Variants in C17orf114 observed in about 807,000 individuals in gnomAD.
The protein encoded by C17orf114 is uncharacterized protein C17orf114.
At chr17:4,804,236 G>A (rs1308944567), upstream of C17orf114, among the ~76,000 whole-genome samples, 18 of 145,994 alleles carry the variant, frequency 1.2e-4, no homozygotes, top group Non-Finnish European at 1.9e-4. Context: ...ATGGAGTCTC[G>A]CTCTGTTGCC....
At chr17:4,801,610 G>A (rs1289508548) in intron 1 of C17orf114, among the ~76,000 whole-genome samples, 155 bp from the exon 2 acceptor site, 4 of 152,182 alleles carry the variant, frequency 2.6e-5, no homozygotes, top group Non-Finnish European at 5.9e-5. Context: ...AGGGAGAGGG[G>A]CTGTTGCAGA....
chr17:4,803,569 C>T (rs1361605376), upstream of C17orf114, among the ~76,000 whole-genome samples: 4 of 150,918 alleles, frequency 2.7e-5, no homozygotes, highest in African/African-American at 7.3e-5. Context: ...GGACTATAGG[C>T]GCCCACCACC....
At chr17:4,801,877 C>T (rs1476886401) in intron 1 of C17orf114, among the ~76,000 whole-genome samples, 2 of 152,076 alleles carry the variant, frequency 1.3e-5, no homozygotes, top group East Asian at 1.9e-4. Context: ...ACTACAGGCG[C>T]CCGCCACCAC....
upstream of C17orf114, among the ~76,000 whole-genome samples, chr17:4,805,077 C>T (rs991174923): frequency 6.6e-6 from 1 of 152,168 alleles, no homozygotes; most frequent in African/African-American, 2.4e-5. Flanking sequence ...CTTTTCCCTA[C>T]ACCCTGCCAC....
At chr17:4,804,630 C>T (rs955652037), upstream of C17orf114, among the ~76,000 whole-genome samples, 2 of 147,960 alleles carry the variant, frequency 1.4e-5, no homozygotes, top group Non-Finnish European at 3.0e-5. Flanking sequence ...GAGACAGTCT[C>T]ACTCTGTCAC....
At chr17:4,801,238 G>A in exon 2 of C17orf114, 1 of 398,628 alleles carries the variant, frequency 2.5e-6, no homozygotes, top group African/African-American at 2.1e-5. Flanking sequence ...AGAAATCTGG[G>A]GAAGGAAGCT....
At chr17:4,806,266 G>A (rs1334318050), upstream of C17orf114, among the ~76,000 whole-genome samples, 12 of 152,064 alleles carry the variant, frequency 7.9e-5, no homozygotes, top group Admixed American at 7.9e-4. Context: ...GAAAAAAATC[G>A]TTTGGCAGTT....
At chr17:4,801,945 G>A (rs1203575683) in intron 1 of C17orf114, among the ~76,000 whole-genome samples, 1 of 151,890 alleles carries the variant, frequency 6.6e-6, no homozygotes, top group Non-Finnish European at 1.5e-5. Flanking sequence ...TAGCCAGGAT[G>A]GTCTCCATCC....
upstream of C17orf114, among the ~76,000 whole-genome samples, chr17:4,802,801 T>A (rs1905544541): frequency 6.6e-6 from 1 of 152,200 alleles, no homozygotes; most frequent in Non-Finnish European, 1.5e-5. Context: ...TAGATTCTCA[T>A]TAAATGGTCT....
chr17:4,806,801 G>A (rs1050866801), upstream of C17orf114: 7 of 150,764 alleles, frequency 4.6e-5, no homozygotes, highest in African/African-American at 1.7e-4. Context: ...CAGCGCCCGC[G>A]GCTGGAGGGG....
upstream of C17orf114, among the ~76,000 whole-genome samples, chr17:4,803,407 T>G (rs1036069898): frequency 1.5e-5 from 2 of 136,718 alleles, no homozygotes; most frequent in Admixed American, 9.2e-5. Flanking sequence ...AAATCTATTG[T>G]TTTTTTTAAT....
At chr17:4,801,170 G>T in exon 2 of C17orf114, 1 of 396,998 alleles carries the variant, frequency 2.5e-6, no homozygotes, top group Non-Finnish European at 4.4e-6. Context: ...TAGCAACTAT[G>T]AACACATTTG....
At chr17:4,801,513 C>T (rs1375130056) in intron 1 of C17orf114, 58 bp from the exon 2 acceptor site, 3 of 397,902 alleles carry the variant, frequency 7.5e-6, no homozygotes, top group African/African-American at 6.2e-5. Context: ...TCCCTCACCC[C>T]CAACCCAGGG....
At chr17:4,801,667 G>A (rs1244307987) in intron 1 of C17orf114, among the ~76,000 whole-genome samples, 1 of 152,076 alleles carries the variant, frequency 6.6e-6, no homozygotes. Flanking sequence ...AGTTGCATAG[G>A]ATCCTCCGAC....
chr17:4,806,089 A>G (rs906612805), upstream of C17orf114, among the ~76,000 whole-genome samples: 5 of 152,284 alleles, frequency 3.3e-5, no homozygotes, highest in African/African-American at 1.2e-4. Flanking sequence ...AACATGGTCA[A>G]TATCATTGAT....
At chr17:4,803,730 T>A (rs1272455616), upstream of C17orf114, among the ~76,000 whole-genome samples, 3 of 149,518 alleles carry the variant, frequency 2.0e-5, no homozygotes, top group East Asian at 6.0e-4. Flanking sequence ...CCGGCCTTTT[T>A]TTAATTTTTG....
chr17:4,804,086 C>T (rs936336316), upstream of C17orf114, among the ~76,000 whole-genome samples: 1 of 152,198 alleles, frequency 6.6e-6, no homozygotes, highest in African/African-American at 2.4e-5. Flanking sequence ...AGCATCGATG[C>T]CCTCAGACAG....
At chr17:4,805,421 T>C (rs535005200), upstream of C17orf114, among the ~76,000 whole-genome samples, 91 of 138,148 alleles carry the variant, frequency 6.6e-4, no homozygotes, top group Middle Eastern at 4.3e-3. Context: ...AAACTCTGTC[T>C]CAAAAAAAAA....
chr17:4,801,428 G>C (rs1905506316), exon 2 of C17orf114: 1 of 398,722 alleles, frequency 2.5e-6, no homozygotes, highest in African/African-American at 2.1e-5. Flanking sequence ...AGCTGGACTG[G>C]GATCTGGAGG....
Sources: gnomAD v4.1 joint callset for allele counts (sites outside exome capture counted in the v4.1 genomes callset) on GRCh38, gnomAD v4.1.1 for gene constraint, MANE v1.5 for transcripts, NCBI Gene and HGNC (gene_info 2026-07-23, HGNC 2026-07-21) for gene names.